Variants in TMEM44 observed in about 807,000 individuals in gnomAD.
The protein encoded by TMEM44 is transmembrane protein 44.
TMEM44 carries 43 observed loss-of-function variants against 47.8 expected under a neutral mutation model. That is an observed-to-expected ratio of 0.90 (90% CI 0.70 to 1.16). The LOEUF is 1.16. TMEM44 is among the 50% of genes most tolerant of loss of function. The pLI is 0.00. For missense variants in TMEM44, 568 were observed against 555.2 expected (o/e 1.02, Z -0.23); for synonymous variants, 277 against 238.8 (o/e 1.16, Z -1.48).
At chr3:194,630,039 C>T (rs141044294) in intron 1 of TMEM44, among the ~76,000 whole-genome samples, 1,262 of 90,284 alleles carry the variant, frequency 0.014, no homozygotes, top group African/African-American at 0.064. Context: ...TTTCCATCGG[C>T]GTCACTGATA....
intron 9 of TMEM44, among the ~76,000 whole-genome samples, chr3:194,598,435 A>G (rs1034371390): frequency 5.8e-5 from 7 of 121,112 alleles, no homozygotes; most frequent in African/African-American, 2.0e-4. Flanking sequence ...GCAGTGGTTA[A>G]TAAAGAGAGG....
In TMEM44 at chr3:194,604,295, C is replaced by T. The variant is rs139058985; in HGVS notation, c.1168G>A (p.Asp390Asn). ...AGGCAACAGCCGTGTACCTCCAGGT[C>T]GGAGTTGATGGAGGAGACCTCAGAG... ...SSSEVSSINS[D>N]LEWDPEDVNL... The change falls in exon 9 of 10, where the codon GAC (aspartate) becomes AAC (asparagine). Residue 390 changes from aspartate to asparagine, a missense_variant. Transcript: ENST00000347147. The T allele has an allele frequency of 1.1e-5, 18 of 1,579,142 alleles. No individual in the cohort carries two copies. The highest frequency in any genetic ancestry group is 1.4e-5 in the African/African-American group (1 of 74,048).
chr3:194,606,901 C>T (rs1341215550), intron 8 of TMEM44, among the ~76,000 whole-genome samples: 4 of 139,480 alleles, frequency 2.9e-5, no homozygotes, highest in African/African-American at 8.0e-5. Context: ...CACAGTGAGC[C>T]GTGATTGTGC....
chr3:194,624,290 G>A (rs1034851191), intron 3 of TMEM44, among the ~76,000 whole-genome samples: 1 of 150,956 alleles, frequency 6.6e-6, no homozygotes, highest in African/African-American at 2.4e-5. Flanking sequence ...GGCCTCATGA[G>A]TGGCTGGGAT....
intron 5 of TMEM44, among the ~76,000 whole-genome samples, chr3:194,622,246 G>A (rs79556299): frequency 0.013 from 1,929 of 152,286 alleles, 43 homozygotes; most frequent in African/African-American, 0.044. Flanking sequence ...TCAAATTCAC[G>A]CTCCCTTCTG....
intron 5 of TMEM44, among the ~76,000 whole-genome samples, chr3:194,619,277 C>T (rs1208385112): frequency 6.6e-6 from 1 of 152,240 alleles, no homozygotes; most frequent in Non-Finnish European, 1.5e-5. Context: ...AAATAGAGAG[C>T]TCTATTTATC....
At position 194,606,952 on chromosome 3, in the gene TMEM44, C is replaced by CAAA. The variant is rs561876150; in HGVS notation, c.1018-2510_1018-2508dup. On this transcript the variant is annotated intron_variant, in intron 8 of 9. Coordinates refer to ENST00000347147, the MANE Select transcript of TMEM44 (RefSeq NM_001011655.3). Reference sequence around the variant, plus strand: ...TGGGCGACAGAGCGAGACTCTGCCTCAAAAAAAAAAAGGAAAGAATAAAAG... The same window carrying CAAA: ...TGGGCGACAGAGCGAGACTCTGCCTCAAAAAAAAAAAAAAGGAAAGAATAAAAG... 2.7e-5 allele frequency among the ~76,000 whole-genome samples: 3 copies of CAAA among 111,788 alleles called. 1 individual carries two copies. The highest frequency in any genetic ancestry group is 5.5e-4 in the East Asian group (2 of 3,626). 73.3% of individuals were successfully genotyped at this position (111,788 alleles called of 152,430 possible). A position where few individuals can be genotyped will look rare whatever the true frequency, so the allele number is the denominator to read the frequency against.
intron 5 of TMEM44, chr3:194,617,657 A>T (rs1330503950): frequency 2.8e-6 from 2 of 703,880 alleles, no homozygotes; most frequent in Non-Finnish European, 5.2e-6. Context: ...CCAGCACCTG[A>T]CGCTGGGCAG....
chr3:194,632,984 C>A, intron 1 of TMEM44, 95 bp downstream of exon 1: 1 of 1,482,000 alleles, frequency 6.7e-7, no homozygotes, highest in South Asian at 1.2e-5. Context: ...CTTCATCCCC[C>A]TTTCCGCCCC....
chr3:194,605,112 G>GTATCTATGTATC (rs1382863629), intron 8 of TMEM44, among the ~76,000 whole-genome samples: 2 of 151,738 alleles, frequency 1.3e-5, no homozygotes, highest in African/African-American at 4.9e-5. Flanking sequence ...GATTTTCTAT[G>GTATCTATGTATC]TATCTATGTA....
Position 194,625,839 on chromosome 3 carries a change from C to T in TMEM44, c.358+58G>A, listed in dbSNP as rs560785486. 3.6e-5 allele frequency: 52 copies of T among 1,446,526 alleles called. No individual in the cohort carries two copies. The East Asian group carries it at 3.9e-4, about 11-fold the overall frequency. 89.6% of individuals were successfully genotyped at this position (1,446,526 alleles called of 1,614,324 possible). Reference sequence around the variant, plus strand: ...CTGGGAGTGATAAGGAGTAGGCATTCGGCGTGCTGATGAATGAATGGGTGA... The same window carrying T: ...CTGGGAGTGATAAGGAGTAGGCATTTGGCGTGCTGATGAATGAATGGGTGA... On this transcript the variant is annotated intron_variant, in intron 3 of 9. Transcript: ENST00000347147.
chr3:194,620,897 T>G (rs775945738), intron 5 of TMEM44, among the ~76,000 whole-genome samples: 2 of 151,872 alleles, frequency 1.3e-5, no homozygotes, highest in Non-Finnish European at 2.9e-5. Context: ...CGTGGTGGCG[T>G]GTGCCTGTAA....
At chr3:194,618,324 G>A (rs1716162751) in intron 5 of TMEM44, among the ~76,000 whole-genome samples, 1 of 151,800 alleles carries the variant, frequency 6.6e-6, no homozygotes, top group South Asian at 2.1e-4. Flanking sequence ...TATGTAAGCA[G>A]CCTTTATATA....
chr3:194,592,620 C>CT (rs1553823912), intron 9 of TMEM44, among the ~76,000 whole-genome samples: 67 of 146,366 alleles, frequency 4.6e-4, no homozygotes, highest in East Asian at 2.0e-3. Context: ...CTCATTTTGA[C>CT]TTTTTTTTTT....
chr3:194,618,345 C>CTA lies in TMEM44; in HGVS notation c.613-1078_613-1077dup, dbSNP rs60548300. On this transcript the variant is annotated intron_variant, in intron 5 of 9. Transcript: ENST00000347147. ...AGCAGCCTTTATATACAGAAAGTCA[C>CTA]TATATATATGAATATGTATATACAC... is the stretch of plus-strand genomic sequence containing the variant. 3.8e-3 allele frequency among the ~76,000 whole-genome samples: 576 copies of CTA among 151,658 alleles called. 18 individuals are homozygous for CTA. The East Asian group carries it at 0.067, about 18-fold the overall frequency.
At chr3:194,603,632 A>G (rs931243148) in intron 9 of TMEM44, among the ~76,000 whole-genome samples, 3 of 152,122 alleles carry the variant, frequency 2.0e-5, no homozygotes, top group African/African-American at 7.2e-5. Context: ...TCCTGATCTC[A>G]GGTGATCTGC....
intron 7 of TMEM44, among the ~76,000 whole-genome samples, chr3:194,613,118 G>T (rs1715501241): frequency 6.6e-6 from 1 of 152,148 alleles, no homozygotes; most frequent in South Asian, 2.1e-4. Context: ...CCGGTGGCAT[G>T]ACATAATTGT....
intron 9 of TMEM44, 26 bp downstream of exon 9, chr3:194,604,261 C>T (rs759131893): frequency 1.3e-6 from 2 of 1,568,090 alleles, no homozygotes; most frequent in Non-Finnish European, 1.7e-6. Context: ...ACCCACGCAC[C>T]CGCCCAGCAG....
rs1207082762 is a variant in TMEM44 at position 194,588,577 on chromosome 3, C to T, written c.1239G>A (p.Gln413=). ...CTGTCCTCACAGAGTCCTGGTGCACCTGGGATCCCAGTAGCTCCACATTTT... is the reference window on the plus strand; with the variant it reads ...CTGTCCTCACAGAGTCCTGGTGCACTTGGGATCCCAGTAGCTCCACATTTT... The part of the protein sequence containing the change: ...SKENVELLGS[Q]VHQDSVRTAH... The change falls in exon 10 of 10, where the codon CAG becomes CAA. Residue 413 remains glutamine (Q), a synonymous_variant. Coordinates refer to ENST00000347147, the MANE Select transcript of TMEM44 (RefSeq NM_001011655.3). 8 of 1,614,104 alleles carry T rather than the reference C, an allele frequency of 5.0e-6. No individual in the cohort carries two copies. Among genetic ancestry groups the T allele is most frequent in the Non-Finnish European group, 1.7e-6 (2 of 1,180,058 alleles).
Sources: gnomAD v4.1 joint callset for allele counts (sites outside exome capture counted in the v4.1 genomes callset) on GRCh38, gnomAD v4.1.1 for gene constraint, MANE v1.5 for transcripts, NCBI Gene and HGNC (gene_info 2026-07-23, HGNC 2026-07-21) for gene names.